The following FBLN5 variants were observed in gnomAD, a reference collection of about 807,000 sequenced individuals.
FBLN5 encodes the protein fibulin 5.
FBLN5 carries 24 observed loss-of-function variants against 61.6 expected under a neutral mutation model. That is an observed-to-expected ratio of 0.39 (90% CI 0.28 to 0.55). FBLN5 has a LOEUF of 0.55. Ranked by LOEUF, FBLN5 falls within the 20% of genes least tolerant of loss-of-function variation. The probability of loss-of-function intolerance (pLI) is 0.65; values close to 1 mark genes in which losing one functional copy is unlikely to be tolerated. For synonymous variants in FBLN5, 213 were observed against 219.8 expected (o/e 0.97, Z 0.27); for missense variants, 470 against 594.1 (o/e 0.79, Z 2.17).
intron 4 of FBLN5, among the ~76,000 whole-genome samples, chr14:91,904,114 C>T (rs542480442): frequency 9.2e-5 from 14 of 152,294 alleles, no homozygotes; most frequent in South Asian, 6.2e-4. Context: ...TACTTAGCCA[C>T]GTGCATCGGA....
At chr14:91,931,020 C>T (rs2055913274) in intron 4 of FBLN5, among the ~76,000 whole-genome samples, 1 of 152,242 alleles carries the variant, frequency 6.6e-6, no homozygotes, top group African/African-American at 2.4e-5. Flanking sequence ...TTAACGTTTA[C>T]TATGGGATAC....
intron 4 of FBLN5, among the ~76,000 whole-genome samples, chr14:91,920,490 T>A (rs2055714893): frequency 6.7e-6 from 1 of 149,888 alleles, no homozygotes; most frequent in Non-Finnish European, 1.5e-5. Flanking sequence ...GCACAACTCA[T>A]GATTTTTGGA....
At chr14:91,910,867 T>C (rs1312176195) in intron 4 of FBLN5, among the ~76,000 whole-genome samples, 1 of 152,134 alleles carries the variant, frequency 6.6e-6, no homozygotes. Context: ...GTCTGGACTA[T>C]GACGTGGGCA....
chr14:91,934,267 G>T (rs754916330), intron 4 of FBLN5, among the ~76,000 whole-genome samples: 16 of 152,100 alleles, frequency 1.1e-4, no homozygotes, highest in Non-Finnish European at 2.1e-4. Context: ...GAGCACCCTC[G>T]AACAAATCTA....
rs987651934 is a variant in FBLN5, at chr14:91,888,627, C to CATAT, written c.620-1319_620-1316dup. Among the ~76,000 whole-genome samples the CATAT allele has an allele frequency of 8.3e-5, 12 of 144,386 alleles. 1 individual carries two copies. Among genetic ancestry groups the CATAT allele is most frequent in the South Asian group, 6.6e-4 (3 of 4,538 alleles). 94.7% of individuals were successfully genotyped at this position (144,386 alleles called of 152,430 possible). A position where few individuals can be genotyped will look rare whatever the true frequency, so the allele number is the denominator to read the frequency against. On this transcript the variant is annotated intron_variant, in intron 6 of 10. Coordinates refer to ENST00000342058, the MANE Select transcript of FBLN5 (RefSeq NM_006329.4). The stretch of plus-strand genomic sequence containing the variant: ...CTGTCTCAAAAAAAAAAAAAAAATA[C>CATAT]ATATATATATATATACACACACACA...
chr14:91,935,486 A>G (rs539016341), intron 4 of FBLN5, among the ~76,000 whole-genome samples: 3 of 152,222 alleles, frequency 2.0e-5, no homozygotes, highest in Non-Finnish European at 4.4e-5. Context: ...CCCACGTGAC[A>G]TCCTGGAAGA....
At chr14:91,919,496 T>A (rs561373745) in intron 4 of FBLN5, among the ~76,000 whole-genome samples, 1 of 152,138 alleles carries the variant, frequency 6.6e-6, no homozygotes, top group Admixed American at 6.5e-5. Context: ...GTGTCCTGTG[T>A]TATAGGGTGA....
intron 7 of FBLN5, 125 bp from the exon 8 acceptor site, chr14:91,883,201 G>C (rs1889559329): frequency 9.5e-7 from 1 of 1,052,456 alleles, no homozygotes; most frequent in Non-Finnish European, 1.5e-6. Context: ...CCAAGAAGCT[G>C]TCAATTCACT....
At position 91,939,403 on chromosome 14, in the gene FBLN5, G is replaced by A. The variant is rs1051205137; in HGVS notation, c.124+1162C>T. On this transcript the variant is annotated intron_variant, in intron 3 of 10. Coordinates refer to ENST00000342058, the MANE Select transcript of FBLN5 (RefSeq NM_006329.4). The stretch of plus-strand genomic sequence containing the variant: ...TGCCCAGGCTGGAGTACAGTGGTGC[G>A]ATCTCAGCTCATTGCAACCTCTGCC... Among the ~76,000 whole-genome samples the A allele has an allele frequency of 2.0e-5, 3 of 147,586 alleles. No homozygotes were observed. The Admixed American group carries it at 2.0e-4, about 10-fold the overall frequency.
intron 4 of FBLN5, among the ~76,000 whole-genome samples, chr14:91,909,204 A>G (rs1168577602): frequency 6.6e-6 from 1 of 152,182 alleles, no homozygotes. Flanking sequence ...GGTGTGAGCC[A>G]CCGCGCCCGG....
chr14:91,924,043 CA>C (rs1462119148), intron 4 of FBLN5, among the ~76,000 whole-genome samples: 2 of 152,216 alleles, frequency 1.3e-5, no homozygotes, highest in African/African-American at 4.8e-5. Context: ...GTGAACTCGC[CA>C]GGGGGTGATG....
At chr14:91,932,251 C>G (rs779314363) in intron 4 of FBLN5, among the ~76,000 whole-genome samples, 5 of 152,196 alleles carry the variant, frequency 3.3e-5, no homozygotes, top group African/African-American at 4.8e-5. Flanking sequence ...GACTATAATT[C>G]CTAGGTCACT....
At chr14:91,880,091 G>A (rs1479627404) in intron 9 of FBLN5, among the ~76,000 whole-genome samples, 1 of 152,210 alleles carries the variant, frequency 6.6e-6, no homozygotes, top group African/African-American at 2.4e-5. Flanking sequence ...TTTGCCGTCT[G>A]GTGATTTAGT....
intron 3 of FBLN5, 30 bp downstream of exon 3, chr14:91,940,535 C>T (rs1566830354): frequency 5.0e-6 from 8 of 1,586,992 alleles, no homozygotes; most frequent in African/African-American, 1.3e-5. Flanking sequence ...AATGCCTCCA[C>T]CCCAATGAAG....
intron 4 of FBLN5, among the ~76,000 whole-genome samples, chr14:91,933,434 C>T (rs901799116): frequency 6.6e-6 from 1 of 152,028 alleles, no homozygotes; most frequent in Non-Finnish European, 1.5e-5. Flanking sequence ...ACCACCACAC[C>T]CAACTAATTT....
rs1476079907 is a variant in FBLN5 at position 91,870,105 on chromosome 14, G to C, written c.*119C>G. 9.2e-7 allele frequency: 1 copy of C among 1,088,040 alleles called. No individual in the cohort carries two copies. The highest frequency in any genetic ancestry group is 1.4e-6 in the Non-Finnish European group (1 of 724,492). 67.4% of individuals were successfully genotyped at this position (1,088,040 alleles called of 1,614,324 possible). ...CAGGAAGTCGGGGCTGACTCTTCGGGGAAACGTTCAGCAGGAAATGCCTAA... is the reference window on the plus strand; with the variant it reads ...CAGGAAGTCGGGGCTGACTCTTCGGCGAAACGTTCAGCAGGAAATGCCTAA... On this transcript the variant is annotated 3_prime_UTR_variant, in exon 11 of 11. Transcript: ENST00000342058.
intron 4 of FBLN5, among the ~76,000 whole-genome samples, chr14:91,907,958 TA>T (rs985145870): frequency 1.3e-5 from 2 of 151,056 alleles, no homozygotes; most frequent in Non-Finnish European, 1.5e-5. Context: ...ACTCTCATAT[TA>T]AAAAAAAACC....
At chr14:91,925,011 C>A (rs1376288650) in intron 4 of FBLN5, among the ~76,000 whole-genome samples, 1 of 152,204 alleles carries the variant, frequency 6.6e-6, no homozygotes, top group Non-Finnish European at 1.5e-5. Flanking sequence ...ACCCCTCCTC[C>A]CATGGAAACT....
chr14:91,911,646 GA>G (rs1160450266), intron 4 of FBLN5, among the ~76,000 whole-genome samples: 2 of 152,236 alleles, frequency 1.3e-5, no homozygotes, highest in Non-Finnish European at 2.9e-5. Flanking sequence ...GCTCGTTTGA[GA>G]AAATAAGGCC....
Sources: allele counts gnomAD v4.1 joint callset (sites outside exome capture counted in the v4.1 genomes callset), GRCh38; gene constraint gnomAD v4.1.1; transcripts MANE v1.5; gene names NCBI Gene and HGNC (gene_info 2026-07-23, HGNC 2026-07-21).